The following ZNF578 variants were observed in gnomAD, a reference collection of about 807,000 sequenced individuals.
ZNF578 encodes Putative chemokine-related protein B42.
ZNF578 carries 8 observed loss-of-function variants against 8.3 expected under a neutral mutation model. The observed-to-expected ratio is 0.96, with a 90% CI of 0.56 to 1.74. The LOEUF (loss-of-function observed/expected upper bound fraction) is 1.74, where lower values mean the gene tolerates loss of function less well. Ranked by LOEUF, ZNF578 falls within the 40% of genes most tolerant of loss-of-function variation. The pLI, the probability that ZNF578 is intolerant of heterozygous loss-of-function variation, is 0.00. For missense variants in ZNF578, 726 were observed against 707.5 expected (o/e 1.03, Z -0.30); for synonymous variants, 206 against 232.2 (o/e 0.89, Z 1.03).
chr19:52,506,374 G>C (rs2059425637), intron 5 of ZNF578, among the ~76,000 whole-genome samples: 1 of 152,076 alleles, frequency 6.6e-6, no homozygotes, highest in Non-Finnish European at 1.5e-5. Context: ...ACTTTGGAAG[G>C]CTGAGGTGGG....
At position 52,512,454 on chromosome 19, in the gene ZNF578, C is replaced by A; in HGVS notation, c.*300C>A. 1 of 1,360,174 alleles carries A rather than the reference C, an allele frequency of 7.4e-7. No homozygotes were observed. Among genetic ancestry groups the A allele is most frequent in the South Asian group, 1.2e-5 (1 of 84,508 alleles). The allele number at this position is 1,360,174 out of a possible 1,614,324, so 84.3% of individuals were successfully genotyped here. ...AGTGTAATAAATGTGGCAAATTTTT[C>A]AGACATCGTTCATACCTTGCAGTTC... On this transcript the variant is annotated 3_prime_UTR_variant, in exon 6 of 6. Coordinates refer to ENST00000421239, the MANE Select transcript of ZNF578 (RefSeq NM_001099694.2).
chr19:52,495,009 T>G (rs1292721872), intron 3 of ZNF578, among the ~76,000 whole-genome samples: 4 of 150,306 alleles, frequency 2.7e-5, no homozygotes, highest in Non-Finnish European at 4.5e-5. Flanking sequence ...TTGTTTTTTT[T>G]TTCTTTGTTT....
chr19:52,463,279 C>T (rs1482381897), intron 2 of ZNF578, among the ~76,000 whole-genome samples: 3 of 152,202 alleles, frequency 2.0e-5, no homozygotes, highest in East Asian at 1.9e-4. Context: ...GCTGCAGTCT[C>T]ACCAGTTTGG....
intron 4 of ZNF578, 146 bp from the exon 5 acceptor site, chr19:52,504,509 A>G (rs904185869): frequency 6.0e-6 from 9 of 1,492,146 alleles, no homozygotes; most frequent in Non-Finnish European, 8.0e-6. Flanking sequence ...AACTATTGAG[A>G]AAAAAAATTC....
At chr19:52,476,028 C>T (rs543057980) in intron 2 of ZNF578, among the ~76,000 whole-genome samples, 20 of 151,694 alleles carry the variant, frequency 1.3e-4, no homozygotes, top group African/African-American at 3.4e-4. Context: ...CCATTGATAG[C>T]GAGAAACAGG....
chr19:52,511,746 C>G lies in ZNF578; in HGVS notation c.1365C>G (p.Tyr455Ter). Residue 455 changes from tyrosine to a stop codon, truncating the protein, a stop_gained, in exon 6 of 6, where the codon TAC (tyrosine) becomes TAG (stop). Coordinates refer to ENST00000421239, the MANE Select transcript of ZNF578 (RefSeq NM_001099694.2). LOFTEE classifies it low-confidence loss of function (END_TRUNC). The part of the protein sequence containing the change: ...HHRLHTGEKS[Y>*]KCEECDRVFS... ...GACTTCATACTGGAGAGAAATCTTACAAATGTGAAGAATGTGACAGAGTTT... is the reference window on the plus strand; with the variant it reads ...GACTTCATACTGGAGAGAAATCTTAGAAATGTGAAGAATGTGACAGAGTTT... The G allele has an allele frequency of 6.2e-7, 1 of 1,613,400 alleles. No individual in the cohort carries two copies. The highest frequency in any genetic ancestry group is 1.3e-5 in the African/African-American group (1 of 74,970).
intron 2 of ZNF578, among the ~76,000 whole-genome samples, chr19:52,486,080 A>G (rs141019389): frequency 5.6e-4 from 85 of 152,320 alleles, no homozygotes; most frequent in African/African-American, 2.0e-3. Context: ...ACCCGATTGT[A>G]TGTTCTATTC....
intron 5 of ZNF578, among the ~76,000 whole-genome samples, chr19:52,508,893 A>ATTTTTT (rs869062581): frequency 4.9e-5 from 4 of 82,046 alleles, no homozygotes; most frequent in South Asian, 4.9e-4. Flanking sequence ...CTATTAGTCA[A>ATTTTTT]TTTTTTTTTT....
chr19:52,470,778 T>G (rs2122796332), intron 2 of ZNF578, among the ~76,000 whole-genome samples: 1 of 152,338 alleles, frequency 6.6e-6, no homozygotes, highest in East Asian at 1.9e-4. Flanking sequence ...CTCTGAGGCT[T>G]GCACTAGTGG....
At chr19:52,467,898 T>C (rs2059280447) in intron 2 of ZNF578, among the ~76,000 whole-genome samples, 1 of 152,210 alleles carries the variant, frequency 6.6e-6, no homozygotes, top group Non-Finnish European at 1.5e-5. Context: ...AATCATTTCA[T>C]GTGATTTCAA....
chr19:52,459,612 T>TAC (rs71180468), intron 2 of ZNF578, among the ~76,000 whole-genome samples: 1,393 of 118,696 alleles, frequency 0.012, 34 homozygotes, highest in East Asian at 0.09. Context: ...AATGTGTATG[T>TAC]ACACACACAC....
chr19:52,504,097 C>CT (rs369235837), intron 4 of ZNF578, among the ~76,000 whole-genome samples: 16,771 of 143,684 alleles, frequency 0.12, 934 homozygotes, highest in African/African-American at 0.17. Flanking sequence ...CCTGGCATTG[C>CT]TTTTTTTTTT....
At chr19:52,500,152 C>T (rs931392366) in intron 3 of ZNF578, among the ~76,000 whole-genome samples, 18 of 152,120 alleles carry the variant, frequency 1.2e-4, no homozygotes, top group Non-Finnish European at 5.9e-5. Flanking sequence ...TTCGACACTG[C>T]GGCTGTGAAA....
chr19:52,499,904 G>C (rs1318738268), intron 3 of ZNF578, among the ~76,000 whole-genome samples: 1 of 151,992 alleles, frequency 6.6e-6, no homozygotes, highest in Non-Finnish European at 1.5e-5. Flanking sequence ...GTGCCCCCAG[G>C]ACCTCTCTGA....
At chr19:52,477,818 A>G (rs1350764133) in intron 2 of ZNF578, among the ~76,000 whole-genome samples, 2 of 152,214 alleles carry the variant, frequency 1.3e-5, no homozygotes, top group Non-Finnish European at 2.9e-5. Flanking sequence ...GTTAAGGTTA[A>G]CATTTCTGCA....
At position 52,510,460 on chromosome 19, in the gene ZNF578, T is replaced by C. The variant is rs1166809720; in HGVS notation, c.191-112T>C. On this transcript the variant is annotated intron_variant, in intron 5 of 5. Transcript: ENST00000421239. ...CTTTTGTGTTCGTAAACTTTGAAGA[T>C]CATGTTTGGGAAGTTTAAAATAAGT... 37 of 1,343,184 alleles carry C rather than the reference T, an allele frequency of 2.8e-5. No homozygotes were observed. The East Asian group carries it at 5.1e-4, about 18-fold the overall frequency. The allele number at this position is 1,343,184 out of a possible 1,614,324, so 83.2% of individuals were successfully genotyped here.
chr19:52,480,305 T>G (rs756006794), intron 2 of ZNF578, among the ~76,000 whole-genome samples: 2 of 152,186 alleles, frequency 1.3e-5, no homozygotes, highest in Non-Finnish European at 2.9e-5. Flanking sequence ...CAGTTTCTCT[T>G]CTTTCTGGGT....
intron 2 of ZNF578, among the ~76,000 whole-genome samples, chr19:52,470,637 G>C (rs549122671): frequency 1.4e-4 from 21 of 152,262 alleles, no homozygotes; most frequent in African/African-American, 4.8e-4. Context: ...CAGACGGCTA[G>C]AACAAAACAG....
In ZNF578 at chr19:52,511,717, C is replaced by T. The variant is rs754572847; in HGVS notation, c.1336C>T (p.His446Tyr). 1.7e-5 allele frequency: 27 copies of T among 1,613,092 alleles called. No individual in the cohort carries two copies. Among genetic ancestry groups the T allele is most frequent in the African/African-American group, 4.0e-5 (3 of 74,744 alleles). The change falls in exon 6 of 6, where the codon CAT becomes TAT. Residue 446 changes from histidine (H) to tyrosine (Y), a missense_variant. Coordinates refer to ENST00000421239, the MANE Select transcript of ZNF578 (RefSeq NM_001099694.2). ...TCATCAGTCAAGCCTTGCACGTCAT[C>T]ATAGACTTCATACTGGAGAGAAATC... is the stretch of plus-strand genomic sequence containing the variant. Reference protein sequence around the residue: ...FIHQSSLARHHRLHTGEKSYK... With the variant: ...FIHQSSLARHYRLHTGEKSYK...
Sources: gnomAD v4.1 joint callset for allele counts (sites outside exome capture counted in the v4.1 genomes callset) on GRCh38, gnomAD v4.1.1 for gene constraint, MANE v1.5 for transcripts, NCBI Gene and HGNC (gene_info 2026-07-23, HGNC 2026-07-21) for gene names.